Variants in RBFOX1 observed in about 807,000 individuals in gnomAD.
The protein encoded by RBFOX1 is RNA binding protein fox-1 homolog 1.
Under a neutral mutation model 57.7 loss-of-function variants are expected in RBFOX1, and 8 were observed. That is an observed-to-expected ratio of 0.14 (90% confidence interval 0.08 to 0.25). RBFOX1 has a LOEUF of 0.25. Ranked by LOEUF, RBFOX1 falls within the 10% of genes least tolerant of loss-of-function variation. RBFOX1 has a pLI of 1.00. For synonymous variants in RBFOX1, 326 were observed against 222.4 expected (o/e 1.47, Z -4.15); for missense variants, 611 against 548.5 (o/e 1.11, Z -1.14).
intron 14 of RBFOX1, among the ~76,000 whole-genome samples, chr16:7,696,055 T>C (rs953862996): frequency 6.6e-6 from 1 of 152,178 alleles, no homozygotes; most frequent in Non-Finnish European, 1.5e-5. Context: ...GCAATGCCTT[T>C]TACGTGGGTC....
At chr16:6,537,029 C>T (rs982098603) in intron 2 of RBFOX1, among the ~76,000 whole-genome samples, 7 of 152,262 alleles carry the variant, frequency 4.6e-5, no homozygotes, top group Admixed American at 1.3e-4. Flanking sequence ...GTCCTACGTA[C>T]GGTAGGAAGA....
At chr16:5,802,309 C>T (rs2055084481) in intron 3 of RBFOX1, among the ~76,000 whole-genome samples, 1 of 152,166 alleles carries the variant, frequency 6.6e-6, no homozygotes, top group Non-Finnish European at 1.5e-5. Flanking sequence ...GGTGTTTCCA[C>T]TTGCAGCCAG....
chr16:6,050,282 G>T (rs1044604514), intron 1 of RBFOX1, among the ~76,000 whole-genome samples: 1 of 152,086 alleles, frequency 6.6e-6, no homozygotes, highest in Non-Finnish European at 1.5e-5. Context: ...CTTTTAATCA[G>T]TCTTTCTCCC....
intron 4 of RBFOX1, among the ~76,000 whole-genome samples, chr16:7,173,554 A>C (rs1391528609): frequency 6.6e-6 from 1 of 151,940 alleles, no homozygotes; most frequent in Non-Finnish European, 1.5e-5. Context: ...GTATTTCAGC[A>C]TTTGTCATCT....
Position 6,925,109 on chromosome 16 carries a change from GTTTTTTTTTTTTTTTTTTTTTTTT to G in RBFOX1, c.-15-126929_-15-126906del, listed in dbSNP as rs57556084. On this transcript the variant is annotated intron_variant, in intron 3 of 15. Transcript: ENST00000550418. ...TCGTTGTTGGACATCTAGGTTGTTG[GTTTTTTTTTTTTTTTTTTTTTTTT>G]TTTTTTTTTTTTTTTTTTGAGATGG... is the stretch of plus-strand genomic sequence containing the variant. Among the ~76,000 whole-genome samples, 49 of 45,244 alleles carry G rather than the reference GTTTTTTTTTTTTTTTTTTTTTTTT, an allele frequency of 1.1e-3. No individual in the cohort carries two copies. The East Asian group carries it at 0.015, about 14-fold the overall frequency. The allele number at this position is 45,244 out of a possible 152,430, so 29.7% of individuals were successfully genotyped here. A position where few individuals can be genotyped will look rare whatever the true frequency, so the allele number is the denominator to read the frequency against.
intron 1 of RBFOX1, among the ~76,000 whole-genome samples, chr16:5,400,618 T>G (rs1217705783): frequency 6.6e-6 from 1 of 152,176 alleles, no homozygotes; most frequent in Admixed American, 6.5e-5. Context: ...ATATTCCATA[T>G]TATGCCTGGG....
chr16:6,670,943 C>T (rs1051099078), intron 3 of RBFOX1, among the ~76,000 whole-genome samples: 14 of 151,962 alleles, frequency 9.2e-5, no homozygotes, highest in African/African-American at 2.4e-4. Flanking sequence ...GAGCTTGCAG[C>T]GAGCCGAGAT....
At chr16:6,533,291 C>T (rs1268976335) in intron 2 of RBFOX1, among the ~76,000 whole-genome samples, 2 of 152,278 alleles carry the variant, frequency 1.3e-5, no homozygotes, top group South Asian at 2.1e-4. Context: ...GATTTGAATG[C>T]TTTTGGGGAG....
intron 3 of RBFOX1, among the ~76,000 whole-genome samples, chr16:7,002,949 G>C (rs1387846520): frequency 6.6e-6 from 1 of 151,884 alleles, no homozygotes; most frequent in East Asian, 1.9e-4. Context: ...AAGAATGTAG[G>C]AAAGGCGATG....
chr16:6,873,002 A>G (rs1416022647), intron 3 of RBFOX1, among the ~76,000 whole-genome samples: 1 of 152,186 alleles, frequency 6.6e-6, no homozygotes, highest in Non-Finnish European at 1.5e-5. Context: ...GAGATCTTAT[A>G]AAGATAATTA....
At chr16:6,474,732 T>C (rs2095246256) in intron 2 of RBFOX1, among the ~76,000 whole-genome samples, 1 of 152,176 alleles carries the variant, frequency 6.6e-6, no homozygotes, top group South Asian at 2.1e-4. Flanking sequence ...TTCCCTTTCA[T>C]ACTGCTGCTG....
At chr16:5,409,475 A>G (rs959399083) in intron 1 of RBFOX1, among the ~76,000 whole-genome samples, 1 of 152,240 alleles carries the variant, frequency 6.6e-6, no homozygotes, top group African/African-American at 2.4e-5. Context: ...AGAAGTTTGA[A>G]GCTTCAAAAT....
intron 3 of RBFOX1, among the ~76,000 whole-genome samples, chr16:6,941,545 C>T (rs528709445): frequency 1.3e-5 from 2 of 152,128 alleles, no homozygotes; most frequent in East Asian, 3.9e-4. Context: ...AAGGTTCTCA[C>T]ACCTGTCCAC....
chr16:6,745,493 A>G (rs144607769), intron 3 of RBFOX1, among the ~76,000 whole-genome samples: 3 of 152,342 alleles, frequency 2.0e-5, no homozygotes, highest in Non-Finnish European at 4.4e-5. Flanking sequence ...AAGATGCCTT[A>G]ACATTTGAAA....
chr16:7,261,287 G>A (rs1350076547), intron 4 of RBFOX1, among the ~76,000 whole-genome samples: 1 of 152,172 alleles, frequency 6.6e-6, no homozygotes, highest in Non-Finnish European at 1.5e-5. Context: ...GTATAAAGTG[G>A]AATTGATGAA....
At chr16:6,197,544 A>C (rs1179036963) in intron 1 of RBFOX1, among the ~76,000 whole-genome samples, 1 of 141,512 alleles carries the variant, frequency 7.1e-6, no homozygotes, top group Non-Finnish European at 1.6e-5. Flanking sequence ...TCTTGAACTC[A>C]ACCTGGTGCT....
chr16:5,756,131 C>T (rs1045342626), intron 3 of RBFOX1, among the ~76,000 whole-genome samples: 17 of 148,044 alleles, frequency 1.1e-4, no homozygotes, highest in African/African-American at 4.0e-4. Context: ...GGTGGTGCCT[C>T]AGGGACTTAC....
intron 3 of RBFOX1, among the ~76,000 whole-genome samples, chr16:6,673,958 C>G (rs188397317): frequency 6.6e-6 from 1 of 152,138 alleles, no homozygotes; most frequent in East Asian, 1.9e-4. Flanking sequence ...ACCTCCAGAA[C>G]AAAGGAAGGA....
At chr16:7,155,734 T>TACACACACACACACAC (rs1347112963) in intron 4 of RBFOX1, among the ~76,000 whole-genome samples, 14 of 82,462 alleles carry the variant, frequency 1.7e-4, no homozygotes, top group African/African-American at 8.0e-4. Context: ...TATATATATA[T>TACACACACACACACAC]ATATACACAC....
Sources: gnomAD v4.1 joint callset for allele counts (sites outside exome capture counted in the v4.1 genomes callset) on GRCh38, gnomAD v4.1.1 for gene constraint, MANE v1.5 for transcripts, NCBI Gene and HGNC (gene_info 2026-07-23, HGNC 2026-07-21) for gene names.